Variants in IGF2R observed in about 807,000 individuals in gnomAD.
IGF2R encodes the protein cation-independent mannose-6-phosphate receptor.
IGF2R carries 91 observed loss-of-function variants against 270.6 expected under a neutral mutation model. That is an observed-to-expected ratio of 0.34 (90% confidence interval 0.28 to 0.40). The LOEUF is 0.40. IGF2R is among the 10% of genes least tolerant of loss of function. The pLI is 1.00. For synonymous variants in IGF2R, 1,316 were observed against 1,258.9 expected (o/e 1.05, Z -0.96); for missense variants, 2,805 against 3,188.3 (o/e 0.88, Z 2.90).
Position 160,102,844 on chromosome 6 carries a change from AT to A in IGF2R, c.6995+174del, listed in dbSNP as rs1562380560. ...CAGTCCCCAGCGTTGTGGTTTTTAA[AT>A]GCCTGCATTTCTGTCTGACCAAGGC... On this transcript the variant is annotated intron_variant, in intron 46 of 47. Coordinates refer to ENST00000356956, the MANE Select transcript of IGF2R (RefSeq NM_000876.4). The surrounding 1 kb of genome is among the most constrained non-coding windows in gnomAD (Gnocchi z 4.5). Among the ~76,000 whole-genome samples the A allele has an allele frequency of 6.6e-6, 1 of 152,136 alleles. No individual in the cohort carries two copies. Among genetic ancestry groups the A allele is most frequent in the African/African-American group, 2.4e-5 (1 of 41,426 alleles).
At chr6:160,077,467 A>G (rs1036226472) in intron 36 of IGF2R, among the ~76,000 whole-genome samples, 3 of 152,190 alleles carry the variant, frequency 2.0e-5, no homozygotes, top group African/African-American at 7.2e-5. Flanking sequence ...TCTGCTGCCA[A>G]CGTGACAAAT....
chr6:160,054,659 GTT>G (rs1219524649), intron 19 of IGF2R, among the ~76,000 whole-genome samples: 2 of 152,190 alleles, frequency 1.3e-5, no homozygotes, highest in Non-Finnish European at 2.9e-5. Flanking sequence ...CAATTTTTAA[GTT>G]TCTCTGGAGT....
Position 160,070,011 on chromosome 6 carries a change from CG to C in IGF2R, c.4398del (p.Lys1468SerfsTer14). The stretch of plus-strand genomic sequence containing the variant: ...TGGCGACTTATGTCCAGATGGGATT[CG>C]GAAAAAGTCAACCACCATCCGATTC... ...VDGDLCPDGI[R>X]KKSTTIRFTC... On this transcript the variant is annotated frameshift_variant, in exon 31 of 48. Coordinates refer to ENST00000356956, the MANE Select transcript of IGF2R (RefSeq NM_000876.4). LOFTEE classifies it high-confidence loss of function. 6.2e-7 allele frequency: 1 copy of C among 1,614,188 alleles called. No individual in the cohort carries two copies. Among genetic ancestry groups the C allele is most frequent in the Non-Finnish European group, 8.5e-7 (1 of 1,180,032 alleles).
intron 22 of IGF2R, among the ~76,000 whole-genome samples, 161 bp from the exon 23 acceptor site, chr6:160,060,386 G>A (rs890603505): frequency 6.6e-6 from 1 of 152,242 alleles, no homozygotes; most frequent in Non-Finnish European, 1.5e-5. Context: ...TGTTCATGTC[G>A]AGTCCCTCGA....
Position 160,061,624 on chromosome 6 carries a change from C to G in IGF2R, c.3384C>G (p.Leu1128=). The part of the protein sequence containing the change: ...RTFYLSVCNP[L]PYIPGCQGSA... ...TCTATTTGAGCGTTTGCAATCCTCT[C>G]CCTTACATTCCTGGATGCCAGGGTG... The change falls in exon 24 of 48, where the codon CTC becomes CTG. Residue 1128 remains leucine (L), a synonymous_variant. Coordinates refer to ENST00000356956, the MANE Select transcript of IGF2R (RefSeq NM_000876.4). 3 of 1,614,164 alleles carry G rather than the reference C, an allele frequency of 1.9e-6. No homozygotes were observed. Among genetic ancestry groups the G allele is most frequent in the Non-Finnish European group, 1.7e-6 (2 of 1,180,016 alleles).
intron 41 of IGF2R, among the ~76,000 whole-genome samples, chr6:160,085,373 G>A (rs1489405744): frequency 1.3e-5 from 2 of 152,212 alleles, no homozygotes; most frequent in African/African-American, 2.4e-5. Flanking sequence ...CTATCTCGGG[G>A]AAGTGCGTCT....
At position 159,969,241 on chromosome 6, in the gene IGF2R, G is replaced by A. The variant is rs2975115; in HGVS notation, c.-6G>A. On this transcript the variant is annotated 5_prime_UTR_variant, in exon 1 of 48. Coordinates refer to ENST00000356956, the MANE Select transcript of IGF2R (RefSeq NM_000876.4). ...CGCGCCCGCCGCGCAGTCCGGGCCC[G>A]GCGCGATGGGGGCCGCCGCCGGCCG... 1.4e-5 allele frequency: 14 copies of A among 1,014,950 alleles called. No homozygotes were observed. The highest frequency in any genetic ancestry group is 6.0e-5 in the Admixed American group (1 of 16,800). 62.9% of individuals were successfully genotyped at this position (1,014,950 alleles called of 1,614,324 possible). A position where few individuals can be genotyped will look rare whatever the true frequency, so the allele number is the denominator to read the frequency against.
chr6:160,013,353 C>T (rs931401730), intron 4 of IGF2R, among the ~76,000 whole-genome samples: 75 of 148,728 alleles, frequency 5.0e-4, no homozygotes, highest in African/African-American at 1.8e-3. Flanking sequence ...GAGGAATATG[C>T]CACAGAGACC....
intron 32 of IGF2R, 92 bp from the exon 33 acceptor site, chr6:160,072,673 T>G: frequency 4.2e-6 from 6 of 1,429,994 alleles, no homozygotes; most frequent in Non-Finnish European, 4.9e-6. Flanking sequence ...GTCCCGATGC[T>G]GACATAATCT....
chr6:159,996,568 G>A (rs987182991), intron 2 of IGF2R, among the ~76,000 whole-genome samples: 1 of 152,292 alleles, frequency 6.6e-6, no homozygotes, highest in African/African-American at 2.4e-5. Context: ...AGGTGTCTGC[G>A]GGGAGGTGTG....
intron 10 of IGF2R, among the ~76,000 whole-genome samples, chr6:160,040,260 C>G (rs1392880665): frequency 6.6e-6 from 1 of 152,198 alleles, no homozygotes; most frequent in East Asian, 1.9e-4. Context: ...ACTCACTGCT[C>G]TTGCGTTCCT....
At chr6:160,031,353 GT>G (rs1018114443) in intron 7 of IGF2R, among the ~76,000 whole-genome samples, 3 of 151,950 alleles carry the variant, frequency 2.0e-5, no homozygotes, top group East Asian at 3.9e-4. Flanking sequence ...GTAAAGTTCA[GT>G]TTTTTTTAAG....
At chr6:160,066,038 A>G (rs1778577667) in intron 29 of IGF2R, among the ~76,000 whole-genome samples, 1 of 137,062 alleles carries the variant, frequency 7.3e-6, no homozygotes, top group South Asian at 2.4e-4. Flanking sequence ...TTAATGAGAC[A>G]GAGTCTTGCA....
At chr6:160,015,612 T>G (rs964236515) in intron 4 of IGF2R, among the ~76,000 whole-genome samples, 3 of 152,208 alleles carry the variant, frequency 2.0e-5, no homozygotes, top group Non-Finnish European at 4.4e-5. Context: ...TGCAAAGATG[T>G]GGCCTCAGAG....
intron 2 of IGF2R, chr6:160,005,598 T>A (rs1353662099): frequency 6.6e-6 from 1 of 152,180 alleles, no homozygotes; most frequent in African/African-American, 2.4e-5. Context: ...GACCCGCACA[T>A]TATGAGGGAC....
chr6:159,996,730 A>T (rs1228298403), intron 2 of IGF2R, among the ~76,000 whole-genome samples: 1 of 152,200 alleles, frequency 6.6e-6, no homozygotes, highest in African/African-American at 2.4e-5. Context: ...ACACCTGTCC[A>T]TGGCTTACCA....
rs746205935 is a variant in IGF2R, at chr6:160,062,595, G to A, written c.3646G>A (p.Ala1216Thr). ...EYVFIWRTVE[A>T]CPVVRVEGDN... ...CGTGTTTATCTGGAGAACTGTGGAA[G>A]CCTGTCCCGTTGTCAGAGTGGAAGG... Residue 1216 changes from alanine to threonine, a missense_variant, in exon 26 of 48, where the codon GCC becomes ACC. Ala to Thr is a moderately conservative substitution (Grantham distance 58). Transcript: ENST00000356956. 58 of 1,613,856 alleles carry A rather than the reference G, an allele frequency of 3.6e-5. No homozygotes were observed. Among genetic ancestry groups the A allele is most frequent in the Non-Finnish European group, 3.4e-5 (40 of 1,179,758 alleles).
intron 10 of IGF2R, among the ~76,000 whole-genome samples, chr6:160,037,797 G>A (rs190399393): frequency 3.3e-5 from 5 of 152,254 alleles, no homozygotes; most frequent in African/African-American, 7.2e-5. Context: ...GGCTGGGGTC[G>A]GGGGTGCGGG....
In IGF2R at chr6:160,050,896, A is replaced by G. The variant is rs1185776491; in HGVS notation, c.2694+244A>G. Among the ~76,000 whole-genome samples the G allele has an allele frequency of 6.6e-6, 1 of 152,162 alleles. No individual in the cohort carries two copies. The highest frequency in any genetic ancestry group is 1.5e-5 in the Non-Finnish European group (1 of 68,016). On this transcript the variant is annotated intron_variant, in intron 19 of 47. Coordinates refer to ENST00000356956, the MANE Select transcript of IGF2R (RefSeq NM_000876.4). This position sits in a 1 kb window ranked among gnomAD's most constrained non-coding sequence, Gnocchi z 4.0. ...CTGCGGAGTTTGAGGCTCTGGTGAC[A>G]TACACTGTTTCCTGGATTTTTTTTC...
Sources: gnomAD v4.1 joint callset for allele counts (sites outside exome capture counted in the v4.1 genomes callset) on GRCh38, gnomAD v4.1.1 for gene constraint, Gnocchi (gnomAD v3.1) non-coding constraint, MANE v1.5 for transcripts, NCBI Gene and HGNC (gene_info 2026-07-23, HGNC 2026-07-21) for gene names.